Variants in KIF26B observed in about 807,000 individuals in gnomAD.
KIF26B encodes the protein kinesin-like protein KIF26B.
In KIF26B, 63 loss-of-function variants were observed where a neutral mutation model predicts 151.2. The ratio of observed to expected loss-of-function variants is 0.42; its 90% confidence interval spans 0.34 to 0.51. KIF26B has a LOEUF of 0.51. Ranked by LOEUF, KIF26B falls within the 20% of genes least tolerant of loss-of-function variation. KIF26B has a pLI of 0.07. For synonymous variants in KIF26B, 1,357 were observed against 1,262.1 expected, an observed-to-expected ratio of 1.08 and a Z score of -1.59; for missense variants, 2,813 against 2,913.6, an observed-to-expected ratio of 0.97 and a Z score of 0.79.
chr1:245,444,977 C>T (rs944632436), intron 4 of KIF26B, among the ~76,000 whole-genome samples: 5 of 152,174 alleles, frequency 3.3e-5, no homozygotes, highest in Admixed American at 6.5e-5. Flanking sequence ...AAAGAAATGT[C>T]AACTGTGTTA....
At chr1:245,482,892 C>T (rs558299536) in intron 4 of KIF26B, among the ~76,000 whole-genome samples, 7 of 151,852 alleles carry the variant, frequency 4.6e-5, no homozygotes, top group South Asian at 2.1e-4. Flanking sequence ...TCTGGGAGGG[C>T]GGTGTGATGA....
rs1419220901 is a variant in KIF26B, at chr1:245,540,061, C to A, written c.1167-706C>A. ...CAGCCTCCCCTCCCACCTTTCCCTG[C>A]CTTCACACTCTGTGCCCCCTTCAGT... On this transcript the variant is annotated intron_variant, in intron 4 of 14. Coordinates refer to ENST00000407071, the MANE Select transcript of KIF26B (RefSeq NM_018012.4). This position sits in a 1 kb window ranked among gnomAD's most constrained non-coding sequence, Gnocchi z 4.6. Among the ~76,000 whole-genome samples, 1 of 152,198 alleles carries A rather than the reference C, an allele frequency of 6.6e-6. No homozygotes were observed. Among genetic ancestry groups the A allele is most frequent in the African/African-American group, 2.4e-5 (1 of 41,438 alleles).
rs114402062 is a variant in KIF26B at position 245,436,281 on chromosome 1, C to T, written c.1166+16536C>T. ...CAGTTGGGAGATTCTGCCAATGAAA[C>T]ACTCTTTGCAGTCTCCTACCTCTGC... On this transcript the variant is annotated intron_variant, in intron 4 of 14. Transcript: ENST00000407071. Among the ~76,000 whole-genome samples the T allele has an allele frequency of 9.0e-3, 1,374 of 152,140 alleles. 9 individuals are homozygous for T. The highest frequency in any genetic ancestry group is 0.017 in the Middle Eastern group (5 of 294).
chr1:245,529,358 G>T (rs1661310215), intron 4 of KIF26B, among the ~76,000 whole-genome samples: 1 of 152,148 alleles, frequency 6.6e-6, no homozygotes, highest in South Asian at 2.1e-4. Flanking sequence ...CACAGCATCA[G>T]ATGGTTTCTT....
At position 245,602,520 on chromosome 1, in the gene KIF26B, C is replaced by T; in HGVS notation, c.1351-57C>T. On this transcript the variant is annotated intron_variant, in intron 5 of 14. Coordinates refer to ENST00000407071, the MANE Select transcript of KIF26B (RefSeq NM_018012.4). The surrounding 1 kb of genome is among the most constrained non-coding windows in gnomAD (Gnocchi z 4.5). The stretch of plus-strand genomic sequence containing the variant: ...ATATCGCAGAGTATACAAGGGTGCT[C>T]CATCGTAAAACACCCAGCTGTCTTC... 7.2e-7 allele frequency: 1 copy of T among 1,395,874 alleles called. No individual in the cohort carries two copies. Among genetic ancestry groups the T allele is most frequent in the Non-Finnish European group, 1.0e-6 (1 of 1,003,392 alleles). The allele number at this position is 1,395,874 out of a possible 1,614,324, so 86.5% of individuals were successfully genotyped here.
At chr1:245,501,689 T>C (rs559856926) in intron 4 of KIF26B, among the ~76,000 whole-genome samples, 11 of 152,320 alleles carry the variant, frequency 7.2e-5, no homozygotes, top group African/African-American at 2.6e-4. Context: ...ACTTTGTGAC[T>C]GAAAGTGTAA....
At chr1:245,626,653 C>A (rs909480892) in intron 9 of KIF26B, among the ~76,000 whole-genome samples, 11 of 152,050 alleles carry the variant, frequency 7.2e-5, no homozygotes, top group African/African-American at 2.4e-4. Context: ...GAACAGCTTG[C>A]AAATATTTTT....
At chr1:245,609,127 C>G (rs1190863089) in intron 7 of KIF26B, 139 bp from the exon 8 acceptor site, 5 of 747,258 alleles carry the variant, frequency 6.7e-6, no homozygotes, top group South Asian at 2.6e-5. Flanking sequence ...TACTATTTCT[C>G]TCATCTTTTT....
At chr1:245,424,306 A>G (rs60545206) in intron 4 of KIF26B, among the ~76,000 whole-genome samples, 19,050 of 152,106 alleles carry the variant, frequency 0.13, 1,406 homozygotes, top group African/African-American at 0.21. Flanking sequence ...GCACCACCAC[A>G]TCAGCTAATT....
chr1:245,443,544 C>T (rs1453790330), intron 4 of KIF26B, among the ~76,000 whole-genome samples: 7 of 111,346 alleles, frequency 6.3e-5, no homozygotes, highest in Non-Finnish European at 7.7e-5. Context: ...TCACTGTTCA[C>T]CTAGAGTGGT....
chr1:245,661,108 C>G (rs1013955354), intron 10 of KIF26B, among the ~76,000 whole-genome samples: 1 of 151,694 alleles, frequency 6.6e-6, no homozygotes, highest in Non-Finnish European at 1.5e-5. Context: ...TGCCTCAGCC[C>G]CCCGAGTAGC....
intron 4 of KIF26B, among the ~76,000 whole-genome samples, chr1:245,428,890 C>G (rs1658708931): frequency 1.3e-5 from 2 of 149,972 alleles, no homozygotes; most frequent in South Asian, 4.2e-4. Flanking sequence ...CTCAAGAATC[C>G]CAGGGATTCT....
chr1:245,397,050 C>G (rs766557481), intron 3 of KIF26B, among the ~76,000 whole-genome samples: 1 of 151,826 alleles, frequency 6.6e-6, no homozygotes, highest in African/African-American at 2.4e-5. Flanking sequence ...CCTCTACCAC[C>G]CTAGGCTCAA....
rs1363125559 is a variant in KIF26B, at chr1:245,687,486, G to A, written c.4503G>A (p.Pro1501=). The change falls in exon 12 of 15, where the codon CCG becomes CCA. Residue 1501 remains proline (P), a synonymous_variant. Transcript: ENST00000407071. The surrounding 1 kb of genome is among the most constrained non-coding windows in gnomAD (Gnocchi z 4.9). ...GCAGCGGAGAGGTGTCGGCCTCCCC[G>A]GTCACTGACAACTTCAGGAGGGTCG... The part of the protein sequence containing the change: ...SSSSGEVSAS[P]VTDNFRRVVD... The A allele has an allele frequency of 4.4e-6, 7 of 1,582,894 alleles. No individual in the cohort carries two copies. The highest frequency in any genetic ancestry group is 2.3e-5 in the South Asian group (2 of 86,174).
intron 2 of KIF26B, chr1:245,234,354 T>G (rs1573724543): frequency 6.6e-6 from 1 of 152,302 alleles, no homozygotes; most frequent in East Asian, 1.9e-4. Context: ...CCCACACTTG[T>G]ACCTCGCACT....
chr1:245,647,424 CAAAAAAAAAAA>C (rs372008159), intron 10 of KIF26B, among the ~76,000 whole-genome samples: 1 of 96,536 alleles, frequency 1.0e-5, no homozygotes, highest in Non-Finnish European at 1.9e-5. Context: ...GACTCCTTCT[CAAAAAAAAAAA>C]AAAAAAAAGA....
At chr1:245,247,423 A>G (rs1407976484) in intron 2 of KIF26B, among the ~76,000 whole-genome samples, 1 of 152,118 alleles carries the variant, frequency 6.6e-6, no homozygotes, top group Non-Finnish European at 1.5e-5. Context: ...CTGCCAATGT[A>G]CCCCAGCCTG....
At chr1:245,566,041 T>C (rs761763312) in intron 5 of KIF26B, among the ~76,000 whole-genome samples, 26 of 152,224 alleles carry the variant, frequency 1.7e-4, no homozygotes, top group Non-Finnish European at 3.2e-4. Flanking sequence ...GAGAGCTCAC[T>C]GATCACCAAA....
chr1:245,326,649 G>GTAAGGACCAGGAGA (rs1406467923), intron 2 of KIF26B, among the ~76,000 whole-genome samples: 9 of 152,210 alleles, frequency 5.9e-5, no homozygotes, highest in African/African-American at 2.2e-4. Flanking sequence ...GCAGCAGCTG[G>GTAAGGACCAGGAGA]TAAGGACCAG....
Sources: gnomAD v4.1 joint callset for allele counts (sites outside exome capture counted in the v4.1 genomes callset) on GRCh38, gnomAD v4.1.1 for gene constraint, Gnocchi (gnomAD v3.1) non-coding constraint, MANE v1.5 for transcripts, NCBI Gene and HGNC (gene_info 2026-07-23, HGNC 2026-07-21) for gene names.